The following NFAM1 variants were observed in gnomAD, a reference collection of about 807,000 sequenced individuals.
NFAM1 encodes NFAT activating protein with ITAM motif 1, also known as NFAT activation molecule 1.
In NFAM1, 17 loss-of-function variants were observed where a neutral mutation model predicts 29.0. That is an observed-to-expected ratio of 0.59 (90% CI 0.40 to 0.88). The LOEUF is 0.88. Among genes scored for constraint, NFAM1 ranks in the 40% least tolerant of loss-of-function variants. The pLI is 0.00. For synonymous variants in NFAM1, 175 were observed against 147.2 expected (o/e 1.19, Z -1.36); for missense variants, 324 against 344.6 (o/e 0.94, Z 0.47).
Position 42,385,681 on chromosome 22 carries a change from C to T in NFAM1, c.754-461G>A, listed in dbSNP as rs944817109. ...TCTGTGTGTCCATGGGGTCAGCGAC[C>T]TATTCCTGCAGACTATGGCTCCCAG... is the stretch of plus-strand genomic sequence containing the variant. On this transcript the variant is annotated intron_variant, in intron 5 of 5. Transcript: ENST00000329021. 1.7e-3 allele frequency among the ~76,000 whole-genome samples: 258 copies of T among 152,206 alleles called. 4 individuals carry two copies. The highest frequency in any genetic ancestry group is 6.2e-4 in the Non-Finnish European group (42 of 68,000).
At chr22:42,408,771 C>T (rs1929981978) in intron 3 of NFAM1, among the ~76,000 whole-genome samples, 1 of 152,198 alleles carries the variant, frequency 6.6e-6, no homozygotes, top group Non-Finnish European at 1.5e-5. Flanking sequence ...GGTTCCCTCC[C>T]CAGGCAGGTG....
intron 3 of NFAM1, among the ~76,000 whole-genome samples, chr22:42,405,567 C>T (rs1929868633): frequency 6.6e-6 from 1 of 152,220 alleles, no homozygotes; most frequent in Non-Finnish European, 1.5e-5. Flanking sequence ...AAGGCCCAGG[C>T]CGGGCACATG....
At position 42,432,318 on chromosome 22, in the gene NFAM1, G is replaced by A; in HGVS notation, c.40C>T (p.Leu14Phe). The A allele has an allele frequency of 1.3e-6, 2 of 1,575,988 alleles. No homozygotes were observed. Among genetic ancestry groups the A allele is most frequent in the South Asian group, 2.3e-5 (2 of 86,238 alleles). ...QPVRWRALPG[L>F]PRPPGLPAAP... ...GCGGGGAGCCCAGGAGGGCGTGGGA[G>A]GCCTGGCAGGGCCCGCCACCTCACA... is the stretch of plus-strand genomic sequence containing the variant. Residue 14 changes from leucine to phenylalanine, a missense_variant, in exon 1 of 6, where the codon CTC (leucine) becomes TTC (phenylalanine). By Grantham distance (22) the Leu-to-Phe change is conservative (BLOSUM62 0). Coordinates refer to ENST00000329021, the MANE Select transcript of NFAM1 (RefSeq NM_145912.8).
upstream of NFAM1, among the ~76,000 whole-genome samples, chr22:42,434,269 A>G (rs181035988): frequency 3.3e-5 from 5 of 152,144 alleles, no homozygotes; most frequent in African/African-American, 7.2e-5. Context: ...ATGGGTGAGC[A>G]TAAGGCAGGG....
chr22:42,412,618 G>A (rs1930133016), intron 1 of NFAM1, among the ~76,000 whole-genome samples: 1 of 152,182 alleles, frequency 6.6e-6, no homozygotes, highest in Non-Finnish European at 1.5e-5. Flanking sequence ...AAAGAAGGAG[G>A]CAGGAAAACA....
At chr22:42,404,527 C>T (rs1048885072) in intron 3 of NFAM1, among the ~76,000 whole-genome samples, 1 of 152,120 alleles carries the variant, frequency 6.6e-6, no homozygotes, top group Non-Finnish European at 1.5e-5. Flanking sequence ...CCAGCCCAGG[C>T]TCTCACATCA....
chr22:42,403,160 A>G (rs1601745040), intron 3 of NFAM1, among the ~76,000 whole-genome samples: 1 of 151,980 alleles, frequency 6.6e-6, no homozygotes, highest in Non-Finnish European at 1.5e-5. Context: ...CTACAACCCC[A>G]TGACACAGCT....
At chr22:42,396,204 C>T (rs6002721) in intron 4 of NFAM1, among the ~76,000 whole-genome samples, 25,377 of 152,084 alleles carry the variant, frequency 0.17, 2,275 homozygotes, top group African/African-American at 0.21. Context: ...CCAGAGAAGT[C>T]GGCCTGCATC....
intron 4 of NFAM1, among the ~76,000 whole-genome samples, chr22:42,392,861 A>G (rs1050440930): frequency 2.5e-4 from 38 of 151,910 alleles, no homozygotes; most frequent in African/African-American, 7.0e-4. Flanking sequence ...GTGCAGTGGC[A>G]TAATCTCGGC....
upstream of NFAM1, among the ~76,000 whole-genome samples, chr22:42,434,312 G>T (rs1017711724): frequency 6.6e-6 from 1 of 152,156 alleles, no homozygotes; most frequent in Non-Finnish European, 1.5e-5. Context: ...TATGAAGGCA[G>T]GTGCCCAACA....
chr22:42,403,048 C>A (rs996014339), intron 3 of NFAM1, among the ~76,000 whole-genome samples: 1 of 151,806 alleles, frequency 6.6e-6, no homozygotes, highest in African/African-American at 2.4e-5. Flanking sequence ...CCATCTTGGC[C>A]AGGCTGATCT....
intron 3 of NFAM1, among the ~76,000 whole-genome samples, chr22:42,408,281 G>A (rs1223585610): frequency 6.6e-6 from 1 of 152,220 alleles, no homozygotes; most frequent in East Asian, 1.9e-4. Flanking sequence ...TTCAGTGTTT[G>A]TTGAATGAAT....
chr22:42,395,597 G>A (rs982011151), intron 4 of NFAM1, among the ~76,000 whole-genome samples: 1 of 151,008 alleles, frequency 6.6e-6, no homozygotes, highest in Non-Finnish European at 1.5e-5. Flanking sequence ...AAAATCCAAA[G>A]GAAGGCCAGG....
chr22:42,421,445 C>CA (rs202030633), intron 1 of NFAM1, among the ~76,000 whole-genome samples: 43,073 of 112,266 alleles, frequency 0.38, 7,178 homozygotes, highest in Admixed American at 0.48. Flanking sequence ...AACTCTGTCT[C>CA]AAAAAAAAAA....
At position 42,411,489 on chromosome 22, in the gene NFAM1, T is replaced by C. The variant is rs758332775; in HGVS notation, c.369A>G (p.Ala123=). The change falls in exon 2 of 6, where the codon GCA becomes GCG. Residue 123 remains alanine, a synonymous_variant. Transcript: ENST00000329021. ...DCQVTLVLPG[A]SATGTYYCSV... ...AGCAGTAGTAGGTGCCAGTGGCCGA[T>C]GCTCCCGGCAGCACAAGGGTGACCT... is the stretch of plus-strand genomic sequence containing the variant. 8 of 1,614,176 alleles carry C rather than the reference T, an allele frequency of 5.0e-6. No individual in the cohort carries two copies. The Admixed American group carries it at 5.0e-5, about 10-fold the overall frequency.
intron 1 of NFAM1, among the ~76,000 whole-genome samples, chr22:42,424,811 G>A (rs1486536880): frequency 6.6e-6 from 1 of 152,140 alleles, no homozygotes; most frequent in Admixed American, 6.5e-5. Flanking sequence ...ACCTAGTGGA[G>A]CCTGTGAGGG....
intron 3 of NFAM1, among the ~76,000 whole-genome samples, chr22:42,407,105 A>T (rs1424233695): frequency 8.4e-5 from 11 of 130,370 alleles, no homozygotes; most frequent in Non-Finnish European, 4.8e-5. Context: ...TTTTAGATGG[A>T]GTCTCGCTGT....
chr22:42,434,493 C>A (rs1930893423), upstream of NFAM1, among the ~76,000 whole-genome samples: 1 of 152,182 alleles, frequency 6.6e-6, no homozygotes, highest in South Asian at 2.1e-4. Flanking sequence ...CGCTCTGCAG[C>A]CACGCAGCCT....
At chr22:42,396,598 G>A (rs1929533961) in intron 4 of NFAM1, among the ~76,000 whole-genome samples, 1 of 152,098 alleles carries the variant, frequency 6.6e-6, no homozygotes, top group South Asian at 2.1e-4. Context: ...ATCCCTGGTA[G>A]GGAAAATACC....
Sources: gnomAD v4.1 joint callset for allele counts (sites outside exome capture counted in the v4.1 genomes callset) on GRCh38, gnomAD v4.1.1 for gene constraint, MANE v1.5 for transcripts, NCBI Gene and HGNC (gene_info 2026-07-23, HGNC 2026-07-21) for gene names.